EPHA3: variants seen among roughly 807,000 people sequenced by gnomAD.
The protein encoded by EPHA3 is EPH receptor A3, also known as ephrin type-A receptor 3.
In EPHA3, 42 loss-of-function variants were observed where a neutral mutation model predicts 107.1. The ratio of observed to expected loss-of-function variants is 0.39; its 90% CI spans 0.31 to 0.51. EPHA3 has a LOEUF of 0.51. Ranked by LOEUF, EPHA3 falls within the 20% of genes least tolerant of loss-of-function variation. The pLI is 0.78. For synonymous variants in EPHA3, 461 were observed against 424.8 expected (o/e 1.09, Z -1.05); for missense variants, 1,183 against 1,211.2 (o/e 0.98, Z 0.35).
At chr3:89,269,602 T>C (rs1394029777) in intron 3 of EPHA3, among the ~76,000 whole-genome samples, 2 of 151,592 alleles carry the variant, frequency 1.3e-5, no homozygotes, top group African/African-American at 4.8e-5. Flanking sequence ...AATTTTTTTT[T>C]CTTTCTTTTT....
rs535299217 is a variant in EPHA3 at position 89,188,031 on chromosome 3, A to G, written c.154-21829A>G. 2.5e-4 allele frequency among the ~76,000 whole-genome samples: 38 copies of G among 152,338 alleles called. 1 individual carries two copies. Among genetic ancestry groups the G allele is most frequent in the African/African-American group, 7.2e-4 (30 of 41,576 alleles). On this transcript the variant is annotated intron_variant, in intron 2 of 16. Coordinates refer to ENST00000336596, the MANE Select transcript of EPHA3 (RefSeq NM_005233.6). ...AAAATTCAGGATTTTAATGGGCAAT[A>G]TATAACAAGTTACTTTATTCCAATA...
At chr3:89,127,117 C>A (rs1704112106) in intron 1 of EPHA3, 92 bp from the exon 2 acceptor site, 1 of 929,820 alleles carries the variant, frequency 1.1e-6, no homozygotes. Context: ...GTTTTTTGAG[C>A]AACATCAACA....
At chr3:89,410,183 A>G (rs939885650) in intron 9 of EPHA3, among the ~76,000 whole-genome samples, 2 of 151,968 alleles carry the variant, frequency 1.3e-5, no homozygotes, top group Admixed American at 1.3e-4. Flanking sequence ...TTTTTCCCCC[A>G]AATGTCTTAT....
At chr3:89,298,075 C>T (rs778527319) in intron 3 of EPHA3, among the ~76,000 whole-genome samples, 16 of 152,024 alleles carry the variant, frequency 1.1e-4, no homozygotes, top group East Asian at 1.9e-4. Context: ...ATCCACCTAA[C>T]GCCCCATGAA....
At chr3:89,468,790 T>G (rs2107572014) in intron 15 of EPHA3, among the ~76,000 whole-genome samples, 1 of 152,340 alleles carries the variant, frequency 6.6e-6, no homozygotes, top group East Asian at 1.9e-4. Context: ...TGACAAAGAC[T>G]ATTTCACTCA....
intron 3 of EPHA3, among the ~76,000 whole-genome samples, chr3:89,232,191 T>C (rs186633359): frequency 5.5e-4 from 83 of 152,236 alleles, no homozygotes; most frequent in Non-Finnish European, 9.7e-4. Context: ...TAACACATAT[T>C]TCCATTTGCT....
chr3:89,146,543 A>T (rs1471756551), intron 2 of EPHA3, among the ~76,000 whole-genome samples: 1 of 151,644 alleles, frequency 6.6e-6, no homozygotes, highest in Non-Finnish European at 1.5e-5. Context: ...TGGATATTAG[A>T]CCTTTGTCAG....
At chr3:89,354,688 T>C (rs1707905754) in intron 5 of EPHA3, among the ~76,000 whole-genome samples, 1 of 151,198 alleles carries the variant, frequency 6.6e-6, no homozygotes. Flanking sequence ...TTATTATTAA[T>C]TGCTGACCTA....
chr3:89,189,679 G>A (rs531018022), intron 2 of EPHA3, among the ~76,000 whole-genome samples: 4 of 152,278 alleles, frequency 2.6e-5, no homozygotes, highest in Admixed American at 6.5e-5. Context: ...TTTCCTGAAC[G>A]TTACTTTGAG....
chr3:89,478,304 T>C (rs1710556682), intron 16 of EPHA3, among the ~76,000 whole-genome samples: 1 of 152,266 alleles, frequency 6.6e-6, no homozygotes, highest in Non-Finnish European at 1.5e-5. Context: ...CAGTTATCTA[T>C]GGCTGCACAG....
chr3:89,189,772 AT>A (rs1265271084), intron 2 of EPHA3, among the ~76,000 whole-genome samples: 1 of 152,104 alleles, frequency 6.6e-6, no homozygotes, highest in African/African-American at 2.4e-5. Context: ...CACATTATCT[AT>A]TTTTTAAAAC....
intron 11 of EPHA3, among the ~76,000 whole-genome samples, chr3:89,420,666 A>G (rs1378048439): frequency 6.6e-6 from 1 of 151,472 alleles, no homozygotes; most frequent in African/African-American, 2.4e-5. Context: ...CTTTCTGAGC[A>G]AGGCTATACT....
At chr3:89,295,848 C>A (rs369378038) in intron 3 of EPHA3, among the ~76,000 whole-genome samples, 2 of 151,862 alleles carry the variant, frequency 1.3e-5, no homozygotes, top group African/African-American at 4.8e-5. Flanking sequence ...CCTCTGCCTC[C>A]CAAAGTGCTG....
chr3:89,202,794 GTGAT>G (rs905067516), intron 2 of EPHA3, among the ~76,000 whole-genome samples: 1 of 152,060 alleles, frequency 6.6e-6, no homozygotes, highest in African/African-American at 2.4e-5. Flanking sequence ...GTATAAATAT[GTGAT>G]TGAAAGTTAT....
At chr3:89,394,075 C>A (rs1199009087) in intron 5 of EPHA3, among the ~76,000 whole-genome samples, 2 of 152,058 alleles carry the variant, frequency 1.3e-5, no homozygotes, top group Non-Finnish European at 2.9e-5. Context: ...AATGAATTTA[C>A]TTTTTCATCA....
chr3:89,119,639 G>T (rs1238651721), intron 1 of EPHA3, among the ~76,000 whole-genome samples: 2 of 152,078 alleles, frequency 1.3e-5, no homozygotes, highest in East Asian at 1.9e-4. Flanking sequence ...AGACAATCCA[G>T]ATATTCTGCA....
intron 3 of EPHA3, among the ~76,000 whole-genome samples, chr3:89,214,261 T>C (rs1284844184): frequency 6.6e-6 from 1 of 151,982 alleles, no homozygotes; most frequent in Non-Finnish European, 1.5e-5. Flanking sequence ...CCTTAGTTTC[T>C]TCATCCACAA....
chr3:89,205,179 A>G (rs1471383876), intron 2 of EPHA3, among the ~76,000 whole-genome samples: 2 of 152,174 alleles, frequency 1.3e-5, no homozygotes, highest in Non-Finnish European at 2.9e-5. Context: ...TCTTAAAGGA[A>G]GTGTAAACTT....
rs770483312 is a variant in EPHA3, at chr3:89,479,442, GATC to G, written c.2897_2899del (p.Ile966del). On this transcript the variant is annotated inframe_deletion, in exon 17 of 17. Transcript: ENST00000336596. Reference sequence around the variant, plus strand: ...TCACCGTGGTTGGGCCACAGAAGAAGATCATCAGTAGCATTAAAGCTCTAGAAA... The same window carrying G: ...TCACCGTGGTTGGGCCACAGAAGAAGATCAGTAGCATTAAAGCTCTAGAAA... 3 of 1,614,184 alleles carry G rather than the reference GATC, an allele frequency of 1.9e-6. No individual in the cohort carries two copies. The highest frequency in any genetic ancestry group is 2.5e-6 in the Non-Finnish European group (3 of 1,180,024).
Sources: gnomAD v4.1 joint callset for allele counts (sites outside exome capture counted in the v4.1 genomes callset) on GRCh38, gnomAD v4.1.1 for gene constraint, MANE v1.5 for transcripts, NCBI Gene and HGNC (gene_info 2026-07-23, HGNC 2026-07-21) for gene names.